Variants in NALF1 observed in about 807,000 individuals in gnomAD.
NALF1 encodes family with sequence similarity 155 member A.
A neutral mutation model predicts 48.4 loss-of-function variants in NALF1; 3 were observed. That is an observed-to-expected ratio of 0.06 (90% confidence interval 0.03 to 0.16). The LOEUF (loss-of-function observed/expected upper bound fraction) is 0.16, where lower values mean the gene tolerates loss of function less well. NALF1 is among the 10% of genes least tolerant of loss of function. The pLI is 1.00. For missense variants in NALF1, 526 were observed against 571.5 expected (o/e 0.92, Z 0.81); for synonymous variants, 262 against 245.7 (o/e 1.07, Z -0.62).
chr13:107,633,412 T>C (rs755274503), intron 1 of NALF1, among the ~76,000 whole-genome samples: 152 of 152,170 alleles, frequency 1.0e-3, no homozygotes, highest in Admixed American at 3.7e-3. Context: ...TGATCATTTC[T>C]GAGGTCATTT....
intron 2 of NALF1, among the ~76,000 whole-genome samples, chr13:107,171,210 T>C (rs1218140165): frequency 3.3e-5 from 5 of 152,324 alleles, no homozygotes; most frequent in African/African-American, 1.2e-4. Flanking sequence ...GATCATAACG[T>C]CATAGCTCTA....
chr13:107,500,582 G>T (rs1875490071), intron 1 of NALF1, among the ~76,000 whole-genome samples: 1 of 150,684 alleles, frequency 6.6e-6, no homozygotes, highest in South Asian at 2.1e-4. Flanking sequence ...AATACCATTT[G>T]ACCCAGCCAT....
At chr13:107,638,906 G>T (rs1341505281) in intron 1 of NALF1, among the ~76,000 whole-genome samples, 2 of 152,058 alleles carry the variant, frequency 1.3e-5, no homozygotes, top group African/African-American at 4.8e-5. Flanking sequence ...ATGTAAGTGG[G>T]GCCAGATCTC....
intron 1 of NALF1, among the ~76,000 whole-genome samples, chr13:107,646,735 G>T (rs1387990938): frequency 6.6e-6 from 1 of 151,980 alleles, no homozygotes; most frequent in Non-Finnish European, 1.5e-5. Flanking sequence ...CATGGCATAG[G>T]TATAATATAA....
chr13:107,620,851 C>G (rs962799045), intron 1 of NALF1, among the ~76,000 whole-genome samples: 9 of 152,206 alleles, frequency 5.9e-5, no homozygotes, highest in Non-Finnish European at 1.0e-4. Context: ...CATTCTAACT[C>G]AAGGCTTCTC....
chr13:107,836,712 T>A lies in NALF1; in HGVS notation c.915+28970A>T, dbSNP rs191937500. 1.4e-4 allele frequency among the ~76,000 whole-genome samples: 21 copies of A among 152,352 alleles called. No individual in the cohort carries two copies. In the East Asian group the frequency reaches 3.9e-3, roughly 28 times the overall value. On this transcript the variant is annotated intron_variant, in intron 1 of 2. Coordinates refer to ENST00000375915, the MANE Select transcript of NALF1 (RefSeq NM_001080396.3). The stretch of plus-strand genomic sequence containing the variant: ...TGAAAGTCCTCGCCTGATTTCAAAA[T>A]ATCCTTTAAAATATTCACTAGCCAA...
intron 1 of NALF1, among the ~76,000 whole-genome samples, chr13:107,366,687 A>G (rs1008267186): frequency 1.3e-5 from 2 of 152,248 alleles, no homozygotes; most frequent in East Asian, 3.8e-4. Context: ...ACAGTGGCTA[A>G]GCAATACAGA....
chr13:107,620,662 C>A (rs537120187), intron 1 of NALF1, among the ~76,000 whole-genome samples: 2 of 152,254 alleles, frequency 1.3e-5, no homozygotes, highest in African/African-American at 4.8e-5. Flanking sequence ...ATTGTAACCA[C>A]TGTGCATGTT....
chr13:107,751,396 T>C (rs980447157), intron 1 of NALF1, among the ~76,000 whole-genome samples: 1 of 152,198 alleles, frequency 6.6e-6, no homozygotes, highest in Non-Finnish European at 1.5e-5. Context: ...TCAGGTAAAA[T>C]AGTTATAGCT....
chr13:107,856,570 A>T (rs1488708894), intron 1 of NALF1, among the ~76,000 whole-genome samples: 1 of 152,174 alleles, frequency 6.6e-6, no homozygotes, highest in Non-Finnish European at 1.5e-5. Flanking sequence ...CATGGATAGG[A>T]ATCAGAGAAA....
chr13:107,686,583 G>A (rs933927472), intron 1 of NALF1, among the ~76,000 whole-genome samples: 1 of 151,934 alleles, frequency 6.6e-6, no homozygotes, highest in Non-Finnish European at 1.5e-5. Context: ...CAGTAGAGAC[G>A]GGGTTTCACC....
intron 1 of NALF1, among the ~76,000 whole-genome samples, chr13:107,382,262 T>A (rs1343881762): frequency 6.6e-6 from 1 of 152,228 alleles, no homozygotes; most frequent in Non-Finnish European, 1.5e-5. Flanking sequence ...TATGACAGCA[T>A]ATATTGGCAT....
intron 1 of NALF1, among the ~76,000 whole-genome samples, chr13:107,756,435 C>CTATATATAAATATATA (rs1877094742): frequency 7.1e-6 from 1 of 141,056 alleles, no homozygotes; most frequent in East Asian, 2.1e-4. Context: ...AGTTTAATGG[C>CTATATATAAATATATA]TATATATATA....
chr13:107,222,829 A>G (rs1161837537), intron 1 of NALF1, among the ~76,000 whole-genome samples: 1 of 152,208 alleles, frequency 6.6e-6, no homozygotes, highest in Non-Finnish European at 1.5e-5. Context: ...TGACTCAGCC[A>G]TTAGTGCCTG....
intron 2 of NALF1, among the ~76,000 whole-genome samples, chr13:107,179,604 G>A (rs1287799371): frequency 1.3e-5 from 2 of 148,722 alleles, no homozygotes; most frequent in Non-Finnish European, 3.0e-5. Flanking sequence ...TCTTATGCCT[G>A]TATCAAGATA....
At chr13:107,600,970 T>C (rs745777178) in intron 1 of NALF1, among the ~76,000 whole-genome samples, 2 of 152,024 alleles carry the variant, frequency 1.3e-5, no homozygotes, top group Non-Finnish European at 2.9e-5. Flanking sequence ...TCCTGACAGA[T>C]GGAGAGCTGA....
chr13:107,305,421 C>A (rs1160384577), intron 1 of NALF1, among the ~76,000 whole-genome samples: 1 of 152,172 alleles, frequency 6.6e-6, no homozygotes, highest in Non-Finnish European at 1.5e-5. Flanking sequence ...ATCATTATAT[C>A]CACAAACTTT....
intron 1 of NALF1, among the ~76,000 whole-genome samples, chr13:107,363,730 G>A (rs538218479): frequency 1.3e-5 from 2 of 152,262 alleles, no homozygotes; most frequent in East Asian, 3.9e-4. Context: ...TGAAGAACTG[G>A]CTTCAAAATT....
intron 1 of NALF1, among the ~76,000 whole-genome samples, chr13:107,859,990 T>C (rs1351893638): frequency 2.0e-5 from 3 of 150,656 alleles, no homozygotes; most frequent in African/African-American, 7.3e-5. Flanking sequence ...TAGCTTACAA[T>C]GATGCTTGAT....
Sources: allele counts gnomAD v4.1 joint callset (sites outside exome capture counted in the v4.1 genomes callset), GRCh38; gene constraint gnomAD v4.1.1; transcripts MANE v1.5; gene names NCBI Gene and HGNC (gene_info 2026-07-23, HGNC 2026-07-21).